The following ENAH variants were observed in gnomAD, a reference collection of about 807,000 sequenced individuals.
The protein encoded by ENAH is ENAH actin regulator, also known as protein enabled homolog.
In ENAH, 23 loss-of-function variants were observed where a neutral mutation model predicts 78.7. That is an observed-to-expected ratio of 0.29 (90% CI 0.21 to 0.41). The LOEUF is 0.41. ENAH is among the 10% of genes least tolerant of loss of function. The pLI is 1.00. For synonymous variants in ENAH, 226 were observed against 241.0 expected (o/e 0.94, Z 0.58); for missense variants, 544 against 691.0 (o/e 0.79, Z 2.39).
intron 1 of ENAH, among the ~76,000 whole-genome samples, chr1:225,633,529 G>C (rs1659499289): frequency 6.6e-6 from 1 of 152,144 alleles, no homozygotes; most frequent in Non-Finnish European, 1.5e-5. Flanking sequence ...TTAAGAGCAA[G>C]GACTTTGGAG....
intron 3 of ENAH, among the ~76,000 whole-genome samples, chr1:225,552,565 T>C (rs998232294): frequency 1.2e-4 from 18 of 152,214 alleles, no homozygotes; most frequent in African/African-American, 4.3e-4. Context: ...AATCAGACTA[T>C]TTAGAACTTA....
Position 225,514,588 on chromosome 1 carries a change from G to C in ENAH, c.1218+8C>G. The stretch of plus-strand genomic sequence containing the variant: ...CATATTAAAAAAATTTTTCAGAAAG[G>C]TATTTACCCGTGACACTTTCCTAAG... On this transcript the variant is annotated splice_region_variant and intron_variant, in intron 7 of 13. Transcript: ENST00000366843. 6.2e-7 allele frequency: 1 copy of C among 1,610,018 alleles called. No homozygotes were observed. Among genetic ancestry groups the C allele is most frequent in the South Asian group, 1.1e-5 (1 of 90,854 alleles).
At chr1:225,576,608 A>C (rs917839240) in intron 1 of ENAH, among the ~76,000 whole-genome samples, 3 of 152,230 alleles carry the variant, frequency 2.0e-5, no homozygotes, top group Non-Finnish European at 4.4e-5. Context: ...TCTCATCACC[A>C]GACTAACACT....
At chr1:225,546,737 T>C (rs138112778) in intron 3 of ENAH, among the ~76,000 whole-genome samples, 1 of 152,184 alleles carries the variant, frequency 6.6e-6, no homozygotes, top group Admixed American at 6.5e-5. Context: ...CCTTTTATAC[T>C]GTAATTAACC....
At chr1:225,548,353 G>A (rs904822342) in intron 3 of ENAH, among the ~76,000 whole-genome samples, 2 of 152,138 alleles carry the variant, frequency 1.3e-5, no homozygotes, top group Admixed American at 1.3e-4. Flanking sequence ...TTTAGAGAAA[G>A]CACCAGAGGG....
chr1:225,519,506 C>T lies in ENAH; in HGVS notation c.494G>A (p.Arg165Lys), dbSNP rs769869260. ...ELERERLERERMERERLERER... is the reference protein window; with the variant it reads ...ELERERLEREKMERERLERER... ...TCTCTCCAACCTTTCTCTTTCCATT[C>T]TTTCTCGCTCCAGCCTTTCCCGCTC... Residue 165 changes from arginine (R) to lysine (K), a missense_variant, in exon 5 of 14, where the codon AGA (arginine) becomes AAA (lysine). This residue lies in a region of ENAH where 366 missense variants were observed against 396.1 expected (regional missense o/e 0.92). Coordinates refer to ENST00000366843, the MANE Select transcript of ENAH (RefSeq NM_018212.6). 7.4e-6 allele frequency: 12 copies of T among 1,611,750 alleles called. No homozygotes were observed. The Admixed American group carries it at 1.3e-4, about 18-fold the overall frequency.
At chr1:225,630,732 C>CT (rs1658861831) in intron 1 of ENAH, among the ~76,000 whole-genome samples, 1 of 152,102 alleles carries the variant, frequency 6.6e-6, no homozygotes, top group African/African-American at 2.4e-5. Context: ...ATTTAAAAAA[C>CT]TTTATCAATA....
chr1:225,649,293 T>C (rs1367236636), intron 1 of ENAH, among the ~76,000 whole-genome samples: 2 of 152,126 alleles, frequency 1.3e-5, no homozygotes, highest in East Asian at 3.9e-4. Flanking sequence ...AAGCCTGGAC[T>C]ATTTTAATAC....
chr1:225,642,862 A>G (rs1442667771), intron 1 of ENAH, among the ~76,000 whole-genome samples: 2 of 152,232 alleles, frequency 1.3e-5, no homozygotes, highest in South Asian at 4.1e-4. Flanking sequence ...CCTACAGGTA[A>G]TCAAAGAAAT....
chr1:225,621,493 C>T (rs1431009161), intron 1 of ENAH, among the ~76,000 whole-genome samples: 1 of 151,600 alleles, frequency 6.6e-6, no homozygotes, highest in Non-Finnish European at 1.5e-5. Flanking sequence ...GGGGTTTCAC[C>T]GTTTTAGCCG....
At chr1:225,624,646 AAT>A (rs936325173) in intron 1 of ENAH, among the ~76,000 whole-genome samples, 1 of 151,914 alleles carries the variant, frequency 6.6e-6, no homozygotes, top group African/African-American at 2.4e-5. Context: ...CAAATAAATA[AAT>A]AAATAAATAA....
chr1:225,510,155 A>T (rs1342437987), intron 10 of ENAH, among the ~76,000 whole-genome samples: 1 of 152,216 alleles, frequency 6.6e-6, no homozygotes, highest in Non-Finnish European at 1.5e-5. Context: ...ACGGAATGAA[A>T]CAAGTGAGAA....
At chr1:225,530,224 G>C (rs2096531478) in intron 4 of ENAH, among the ~76,000 whole-genome samples, 1 of 152,162 alleles carries the variant, frequency 6.6e-6, no homozygotes, top group African/African-American at 2.4e-5. Context: ...GAAAATCATA[G>C]TACTCACAGA....
At chr1:225,645,247 T>C (rs1378493754) in intron 1 of ENAH, among the ~76,000 whole-genome samples, 4 of 152,270 alleles carry the variant, frequency 2.6e-5, no homozygotes, top group African/African-American at 9.6e-5. Flanking sequence ...GGTGTTATTA[T>C]ATAGATCTGT....
chr1:225,526,291 C>T (rs2096504125), intron 4 of ENAH, among the ~76,000 whole-genome samples: 1 of 151,756 alleles, frequency 6.6e-6, no homozygotes, highest in Non-Finnish European at 1.5e-5. Flanking sequence ...GAATAAATTC[C>T]TCAACCTTAG....
chr1:225,601,066 A>G (rs934030054), intron 1 of ENAH, among the ~76,000 whole-genome samples: 2 of 152,180 alleles, frequency 1.3e-5, no homozygotes, highest in African/African-American at 4.8e-5. Flanking sequence ...AGCAAAATAT[A>G]TCTACCCACT....
chr1:225,652,508 A>C (rs1663208319), intron 1 of ENAH, 178 bp downstream of exon 1: 1 of 840,276 alleles, frequency 1.2e-6, no homozygotes, highest in Non-Finnish European at 1.4e-6. Flanking sequence ...CGGGTTGGGG[A>C]GGTTTCCAAG....
In ENAH at chr1:225,497,142, G is replaced by A. The variant is rs2096253243; in HGVS notation, c.*633C>T. Reference sequence around the variant, plus strand: ...TACAAAATTGCATGAAGGCTAACTCGAGAAACTTCCTATCATTCTAAAATT... The same window carrying A: ...TACAAAATTGCATGAAGGCTAACTCAAGAAACTTCCTATCATTCTAAAATT... On this transcript the variant is annotated 3_prime_UTR_variant, in exon 14 of 14. Transcript: ENST00000366843. 1 of 152,600 alleles carries A rather than the reference G, an allele frequency of 6.6e-6. No homozygotes were observed. Among genetic ancestry groups the A allele is most frequent in the African/African-American group, 2.4e-5 (1 of 41,446 alleles). 9.5% of individuals were successfully genotyped at this position (152,600 alleles called of 1,614,324 possible).
At chr1:225,606,842 C>CAAAAAA (rs59168194) in intron 1 of ENAH, among the ~76,000 whole-genome samples, 3 of 49,048 alleles carry the variant, frequency 6.1e-5, no homozygotes, top group South Asian at 8.1e-4. Flanking sequence ...GACTCTGTCT[C>CAAAAAA]AAAAAAAAAA....
Sources: gnomAD v4.1 joint callset for allele counts (sites outside exome capture counted in the v4.1 genomes callset) on GRCh38, gnomAD v4.1.1 for gene constraint, gnomAD v4.1.1 regional missense constraint, MANE v1.5 for transcripts, NCBI Gene and HGNC (gene_info 2026-07-23, HGNC 2026-07-21) for gene names.